Variants in SMARCB1 observed in about 807,000 individuals in gnomAD.
The protein encoded by SMARCB1 is SWI/SNF related BAF chromatin remodeling complex subunit B1.
In SMARCB1, 5 loss-of-function variants were observed where a neutral mutation model predicts 49.0. The ratio of observed to expected loss-of-function variants is 0.10; its 90% confidence interval spans 0.05 to 0.21. SMARCB1 has a LOEUF of 0.21. Among genes scored for constraint, SMARCB1 ranks in the 10% least tolerant of loss-of-function variants. SMARCB1 has a pLI of 1.00. For synonymous variants in SMARCB1, 201 were observed against 200.1 expected (o/e 1.00, Z -0.04); for missense variants, 226 against 509.2 (o/e 0.44, Z 5.35).
intron 5 of SMARCB1, chr22:23,815,935 C>T (rs1290667436): frequency 6.6e-6 from 1 of 152,570 alleles, no homozygotes; most frequent in East Asian, 1.9e-4. Context: ...CCCCGTGCAC[C>T]TGAGGTTCCT....
intron 7 of SMARCB1, among the ~76,000 whole-genome samples, chr22:23,830,553 G>C (rs929336744): frequency 6.6e-5 from 10 of 150,692 alleles, no homozygotes; most frequent in African/African-American, 2.4e-4. Flanking sequence ...TACATGATTT[G>C]AAGATATTTT....
chr22:23,792,064 G>T, intron 2 of SMARCB1, 170 bp downstream of exon 2: 1 of 678,344 alleles, frequency 1.5e-6, no homozygotes, highest in Admixed American at 2.1e-5. Context: ...AGTGGCTCCA[G>T]GGAGCCATTG....
At chr22:23,820,558 C>T (rs2330623) in intron 6 of SMARCB1, among the ~76,000 whole-genome samples, 59,997 of 151,802 alleles carry the variant, frequency 0.4, 13,982 homozygotes, top group Admixed American at 0.52. Flanking sequence ...TGGCTGACAG[C>T]GAGACTCTGA....
chr22:23,795,163 C>T (rs1262208053), intron 3 of SMARCB1, among the ~76,000 whole-genome samples: 2 of 152,072 alleles, frequency 1.3e-5, no homozygotes, highest in East Asian at 1.9e-4. Context: ...TAGCTTATGC[C>T]TGTAATCTCA....
chr22:23,810,578 T>C (rs907971445), intron 5 of SMARCB1, among the ~76,000 whole-genome samples: 1 of 145,232 alleles, frequency 6.9e-6, no homozygotes, highest in Non-Finnish European at 1.5e-5. Flanking sequence ...AGAAGAAACA[T>C]TGAGACATCA....
intron 7 of SMARCB1, chr22:23,826,329 G>A (rs2030378166): frequency 6.6e-6 from 1 of 151,894 alleles, no homozygotes; most frequent in African/African-American, 2.4e-5. Context: ...GGAAGCTGAG[G>A]TGGGAGGATC....
At chr22:23,788,886 A>G (rs1019260837) in intron 1 of SMARCB1, among the ~76,000 whole-genome samples, 24 of 151,686 alleles carry the variant, frequency 1.6e-4, no homozygotes, top group African/African-American at 4.4e-4. Flanking sequence ...GTTTGACTCT[A>G]TCACCCAGGC....
At chr22:23,825,456 C>A (rs1394189810) in intron 7 of SMARCB1, 41 bp downstream of exon 7, 4 of 1,568,470 alleles carry the variant, frequency 2.6e-6, no homozygotes, top group East Asian at 2.2e-5. Flanking sequence ...CATCTCCCTG[C>A]AAAACTGTTT....
intron 3 of SMARCB1, among the ~76,000 whole-genome samples, chr22:23,798,960 G>T (rs1928946369): frequency 6.6e-6 from 1 of 151,302 alleles, no homozygotes; most frequent in Admixed American, 6.6e-5. Flanking sequence ...TGAGGCAGGA[G>T]AATGGCGTGA....
At chr22:23,809,846 G>A (rs1465243798) in intron 5 of SMARCB1, among the ~76,000 whole-genome samples, 2 of 152,062 alleles carry the variant, frequency 1.3e-5, no homozygotes, top group Non-Finnish European at 2.9e-5. Flanking sequence ...GAACGATATT[G>A]GACATTCTTA....
chr22:23,832,434 A>G (rs927044441), intron 7 of SMARCB1, among the ~76,000 whole-genome samples: 2 of 152,014 alleles, frequency 1.3e-5, no homozygotes, highest in African/African-American at 4.8e-5. Context: ...CCCAGAGCTC[A>G]TGGTGTTTTT....
At chr22:23,797,689 C>G (rs1012914554) in intron 3 of SMARCB1, among the ~76,000 whole-genome samples, 2 of 137,576 alleles carry the variant, frequency 1.5e-5, no homozygotes, top group Non-Finnish European at 3.0e-5. Flanking sequence ...GGGATCTCAG[C>G]TCACTGCAAC....
chr22:23,803,262 C>A, intron 4 of SMARCB1, 33 bp from the exon 5 acceptor site: 1 of 1,613,956 alleles, frequency 6.2e-7, no homozygotes, highest in South Asian at 1.1e-5. Flanking sequence ...GCTCCGGCCC[C>A]CTCGCTGACT....
intron 5 of SMARCB1, among the ~76,000 whole-genome samples, chr22:23,810,339 A>G (rs143420854): frequency 4.4e-4 from 66 of 151,644 alleles, no homozygotes; most frequent in African/African-American, 1.4e-3. Flanking sequence ...AGCCTGACCA[A>G]TATGGTGAAA....
rs71184910 is a variant in SMARCB1, at chr22:23,797,609, C to CTTTTTTT, written c.363-3315_363-3309dup. ...ACAGACATGAGCCACTGCGCCTGGC[C>CTTTTTTT]TTTTTTTTTTTTTTTTTTTTTTTTT... On this transcript the variant is annotated intron_variant, in intron 3 of 8. Coordinates refer to ENST00000644036, the MANE Select transcript of SMARCB1 (RefSeq NM_003073.5). Among the ~76,000 whole-genome samples the CTTTTTTT allele has an allele frequency of 1.1e-4, 4 of 36,272 alleles. 1 individual carries two copies. Among genetic ancestry groups the CTTTTTTT allele is most frequent in the Non-Finnish European group, 1.8e-4 (4 of 22,710 alleles). 23.8% of individuals were successfully genotyped at this position (36,272 alleles called of 152,430 possible).
At chr22:23,799,029 GAC>G (rs1014581730) in intron 3 of SMARCB1, among the ~76,000 whole-genome samples, 1 of 145,496 alleles carries the variant, frequency 6.9e-6, no homozygotes, top group African/African-American at 2.6e-5. Flanking sequence ...CAGCCCAGGC[GAC>G]AGAGCGAGAC....
At chr22:23,793,781 C>CTTTTT (rs11413092) in intron 3 of SMARCB1, 93 bp downstream of exon 3, 173 of 776,084 alleles carry the variant, frequency 2.2e-4, no homozygotes, top group Middle Eastern at 6.8e-4. Flanking sequence ...AATTGAAACA[C>CTTTTT]TTTTTTTTTT....
chr22:23,799,973 C>G (rs372462718), intron 3 of SMARCB1, among the ~76,000 whole-genome samples: 4 of 151,798 alleles, frequency 2.6e-5, no homozygotes, highest in Non-Finnish European at 5.9e-5. Context: ...CGTGAGCCAC[C>G]GCGCCCGGCT....
At chr22:23,807,118 A>T (rs991178746) in intron 5 of SMARCB1, among the ~76,000 whole-genome samples, 1 of 152,156 alleles carries the variant, frequency 6.6e-6, no homozygotes, top group South Asian at 2.1e-4. Context: ...TGAGTTGCCT[A>T]ACCAGAACAC....
Sources: allele counts gnomAD v4.1 joint callset (sites outside exome capture counted in the v4.1 genomes callset), GRCh38; gene constraint gnomAD v4.1.1; transcripts MANE v1.5; gene names NCBI Gene and HGNC (gene_info 2026-07-23, HGNC 2026-07-21).